The following RFC3 variants were observed in gnomAD, a reference collection of about 807,000 sequenced individuals.
RFC3 encodes A1 38 kDa subunit.
In RFC3, 41 loss-of-function variants were observed where a neutral mutation model predicts 45.1. The observed-to-expected ratio is 0.91, with a 90% CI of 0.71 to 1.18. RFC3 has a LOEUF of 1.18. RFC3 is among the 50% of genes most tolerant of loss of function. RFC3 has a pLI of 0.00. For synonymous variants in RFC3, 149 were observed against 144.0 expected (o/e 1.03, Z -0.25); for missense variants, 423 against 428.1 (o/e 0.99, Z 0.10).
chr13:33,951,877 T>C (rs190285217), intron 8 of RFC3, among the ~76,000 whole-genome samples: 2 of 152,362 alleles, frequency 1.3e-5, no homozygotes, highest in African/African-American at 4.8e-5. Flanking sequence ...AATATTATTA[T>C]CATTATCTTA....
chr13:33,947,323 G>T (rs977076738), intron 8 of RFC3, among the ~76,000 whole-genome samples: 1 of 152,126 alleles, frequency 6.6e-6, no homozygotes, highest in African/African-American at 2.4e-5. Flanking sequence ...TTCTCCTGCT[G>T]CCCTGTGAAG....
chr13:33,971,928 G>A, the RFC3 span, among the ~76,000 whole-genome samples: 3 of 146,858 alleles, frequency 2.0e-5, no homozygotes, highest in Admixed American at 1.4e-4. Context: ...CCTGACCAAC[G>A]TGGCACAACC....
rs71074991 is a variant in RFC3 at position 33,908,607 on chromosome 13, TACACACACAC to T, written c.880-57447_880-57438del. On this transcript the variant is annotated intron_variant, in intron 8 of 8. Transcript: ENST00000434425. The stretch of plus-strand genomic sequence containing the variant: ...CCAGAGAAAAAGAACACACAGGAGA[TACACACACAC>T]ACACACACACACACACACACACACA... Among the ~76,000 whole-genome samples, 1,284 of 142,680 alleles carry T rather than the reference TACACACACAC, an allele frequency of 9.0e-3. 11 individuals carry two copies. Among genetic ancestry groups the T allele is most frequent in the Non-Finnish European group, 0.013 (829 of 65,702 alleles). The allele number at this position is 142,680 out of a possible 152,430, so 93.6% of individuals were successfully genotyped here. A position where few individuals can be genotyped will look rare whatever the true frequency, so the allele number is the denominator to read the frequency against.
intron 8 of RFC3, among the ~76,000 whole-genome samples, chr13:33,940,748 A>G (rs1313236619): frequency 6.6e-6 from 1 of 152,178 alleles, no homozygotes; most frequent in East Asian, 1.9e-4. Flanking sequence ...AAACCTTACA[A>G]TAGTTTAGAA....
chr13:33,944,234 C>G, intron 8 of RFC3, among the ~76,000 whole-genome samples: 1 of 152,196 alleles, frequency 6.6e-6, no homozygotes. Flanking sequence ...AAGTGACATC[C>G]TTTTTCTTGT....
intron 1 of RFC3, among the ~76,000 whole-genome samples, chr13:33,819,806 T>G (rs1281802705): frequency 6.6e-6 from 1 of 152,230 alleles, no homozygotes; most frequent in Non-Finnish European, 1.5e-5. Flanking sequence ...TAAGAAATGT[T>G]CACCTGTTTA....
At chr13:33,977,172 C>G in the RFC3 span, among the ~76,000 whole-genome samples, 1 of 152,122 alleles carries the variant, frequency 6.6e-6, no homozygotes, top group Non-Finnish European at 1.5e-5. Flanking sequence ...GAACCTAAGG[C>G]AACACGGTGA....
At chr13:33,841,121 T>C (rs2139441149), downstream of RFC3, among the ~76,000 whole-genome samples, 1 of 152,274 alleles carries the variant, frequency 6.6e-6, no homozygotes, top group Non-Finnish European at 1.5e-5. Context: ...TGTTGTGAAC[T>C]GTACATGTGA....
At chr13:33,939,451 A>G (rs2082910002) in intron 8 of RFC3, among the ~76,000 whole-genome samples, 1 of 152,188 alleles carries the variant, frequency 6.6e-6, no homozygotes, top group Admixed American at 6.5e-5. Flanking sequence ...GGTGCACCCA[A>G]GAGGGTAAGG....
At chr13:33,898,298 A>T (rs879327869) in intron 8 of RFC3, among the ~76,000 whole-genome samples, 15 of 151,946 alleles carry the variant, frequency 9.9e-5, no homozygotes, top group Non-Finnish European at 1.8e-4. Context: ...AGTAGAAACC[A>T]TTTCAATCTT....
At chr13:33,890,882 T>G (rs2082559281) in intron 8 of RFC3, among the ~76,000 whole-genome samples, 1 of 152,180 alleles carries the variant, frequency 6.6e-6, no homozygotes, top group South Asian at 2.1e-4. Context: ...TACCATGCTT[T>G]CTTCTAGATA....
intron 8 of RFC3, among the ~76,000 whole-genome samples, chr13:33,958,218 G>A (rs2083033930): frequency 6.6e-6 from 1 of 152,180 alleles, no homozygotes; most frequent in South Asian, 2.1e-4. Context: ...GCTGGAAGAG[G>A]GTGATTGAAC....
chr13:33,861,242 ACTTT>A (rs2082339084), intron 8 of RFC3, among the ~76,000 whole-genome samples: 2 of 152,190 alleles, frequency 1.3e-5, no homozygotes, highest in Non-Finnish European at 2.9e-5. Context: ...TTGATGATAA[ACTTT>A]ATTTTAATGC....
intron 5 of RFC3, 67 bp downstream of exon 5, chr13:33,830,084 G>T: frequency 1.4e-6 from 2 of 1,380,010 alleles, no homozygotes; most frequent in South Asian, 1.2e-5. Context: ...TATGCTTGTT[G>T]TAAAAGAAGG....
intron 8 of RFC3, among the ~76,000 whole-genome samples, chr13:33,965,368 C>T (rs1593723393): frequency 6.6e-6 from 1 of 152,174 alleles, no homozygotes; most frequent in South Asian, 2.1e-4. Flanking sequence ...TACACAAATA[C>T]CATTGCCAAG....
chr13:33,841,319 A>C (rs2183283), downstream of RFC3, among the ~76,000 whole-genome samples: 9,787 of 152,320 alleles, frequency 0.064, 652 homozygotes, highest in East Asian at 0.17. Context: ...ATAAAATTAC[A>C]GTACATACTA....
chr13:33,963,364 T>C lies in RFC3; in HGVS notation c.880-2723T>C, dbSNP rs146609750. On this transcript the variant is annotated intron_variant, in intron 8 of 8. Transcript: ENST00000434425. ...GGCAGACATGAAGGCTCAGGATGGC[T>C]CTTGCCTACTTAAGCAAAACCTTAA... Among the ~76,000 whole-genome samples the C allele has an allele frequency of 3.4e-3, 525 of 152,338 alleles. 4 individuals carry two copies. Among genetic ancestry groups the C allele is most frequent in the Admixed American group, 0.025 (381 of 15,294 alleles).
intron 8 of RFC3, among the ~76,000 whole-genome samples, chr13:33,962,922 A>T (rs1458761761): frequency 6.6e-6 from 1 of 152,198 alleles, no homozygotes; most frequent in East Asian, 1.9e-4. Context: ...GAATTTGTCT[A>T]ATAGAACATT....
chr13:33,864,248 C>T (rs2082359503), intron 8 of RFC3, among the ~76,000 whole-genome samples: 1 of 152,172 alleles, frequency 6.6e-6, no homozygotes, highest in African/African-American at 2.4e-5. Flanking sequence ...GCCTTCCTAA[C>T]CCAAACACCC....
Sources: gnomAD v4.1 joint callset for allele counts (sites outside exome capture counted in the v4.1 genomes callset) on GRCh38, gnomAD v4.1.1 for gene constraint, MANE v1.5 for transcripts, NCBI Gene and HGNC (gene_info 2026-07-23, HGNC 2026-07-21) for gene names.